STK3: variants seen among roughly 807,000 people sequenced by gnomAD.
STK3 encodes serine/threonine-protein kinase 3.
A neutral mutation model predicts 58.0 loss-of-function variants in STK3; 41 were observed. That is an observed-to-expected ratio of 0.71 (90% confidence interval 0.55 to 0.92). STK3 has a LOEUF of 0.92. Among genes scored for constraint, STK3 ranks in the 40% least tolerant of loss-of-function variants. The probability of loss-of-function intolerance (pLI) is 0.00; values close to 1 mark genes in which losing one functional copy is unlikely to be tolerated. For missense variants in STK3, 479 were observed against 602.7 expected (o/e 0.79, Z 2.15); for synonymous variants, 170 against 191.0 (o/e 0.89, Z 0.91).
At chr8:98,356,473 A>G in the STK3 span, among the ~76,000 whole-genome samples, 1 of 152,140 alleles carries the variant, frequency 6.6e-6, no homozygotes, top group Non-Finnish European at 1.5e-5. Flanking sequence ...GCTCTAAACT[A>G]CCAGGTAAGG....
intron 8 of STK3, among the ~76,000 whole-genome samples, chr8:98,564,939 G>A (rs780309040): frequency 6.6e-6 from 1 of 151,992 alleles, no homozygotes; most frequent in Non-Finnish European, 1.5e-5. Flanking sequence ...TGTATCATAC[G>A]AATATAAGAT....
chr8:98,541,979 C>A (rs1250322432), intron 9 of STK3, among the ~76,000 whole-genome samples: 1 of 152,174 alleles, frequency 6.6e-6, no homozygotes, highest in Non-Finnish European at 1.5e-5. Flanking sequence ...ATTCTAGTGT[C>A]AACCCTGTGT....
intron 10 of STK3, among the ~76,000 whole-genome samples, chr8:98,466,602 G>A (rs1484877803): frequency 6.6e-6 from 1 of 152,182 alleles, no homozygotes; most frequent in East Asian, 1.9e-4. Context: ...AGTGCTGGGA[G>A]CAGGAAGGAG....
intron 1 of STK3, among the ~76,000 whole-genome samples, chr8:98,929,390 G>A (rs1244264555): frequency 6.6e-6 from 1 of 152,222 alleles, no homozygotes; most frequent in African/African-American, 2.4e-5. Context: ...AGATGTGCTG[G>A]CCCATGCCTG....
intron 6 of STK3, among the ~76,000 whole-genome samples, chr8:98,698,552 A>C (rs1825213223): frequency 6.6e-6 from 1 of 152,190 alleles, no homozygotes; most frequent in Non-Finnish European, 1.5e-5. Flanking sequence ...CTTTTAGGGC[A>C]GGCCTGGTGG....
chr8:98,723,079 C>A, intron 4 of STK3: 1 of 263,992 alleles, frequency 3.8e-6, no homozygotes, highest in Admixed American at 4.9e-5. Context: ...CAATACATTA[C>A]AGATTTCATT....
chr8:98,761,784 A>G (rs188526152), intron 3 of STK3, among the ~76,000 whole-genome samples: 1 of 152,370 alleles, frequency 6.6e-6, no homozygotes, highest in African/African-American at 2.4e-5. Context: ...AAAGTTCATC[A>G]ATAATCCTCC....
chr8:98,589,543 G>T (rs1051235328), intron 7 of STK3, among the ~76,000 whole-genome samples: 1 of 152,244 alleles, frequency 6.6e-6, no homozygotes, highest in Non-Finnish European at 1.5e-5. Context: ...GGTTACTGCT[G>T]TCTTTTTGTT....
intron 1 of STK3, among the ~76,000 whole-genome samples, chr8:98,901,945 T>C (rs185531997): frequency 2.0e-5 from 3 of 152,326 alleles, no homozygotes; most frequent in Non-Finnish European, 4.4e-5. Context: ...ACATGTGCCC[T>C]CTACTTCCTT....
intron 1 of STK3, among the ~76,000 whole-genome samples, chr8:98,442,905 T>G (rs79625268): frequency 6.6e-6 from 1 of 151,918 alleles, no homozygotes; most frequent in East Asian, 1.9e-4. Context: ...CTGAGACTAT[T>G]AAGATATCCC....
At chr8:98,572,157 T>C (rs143996741) in intron 8 of STK3, among the ~76,000 whole-genome samples, 2,719 of 152,266 alleles carry the variant, frequency 0.018, 43 homozygotes, top group Non-Finnish European at 0.023. Context: ...AACTTACAAA[T>C]TAGTATTTTA....
At chr8:98,529,057 C>T (rs563688376) in intron 9 of STK3, among the ~76,000 whole-genome samples, 120 of 152,252 alleles carry the variant, frequency 7.9e-4, no homozygotes, top group Non-Finnish European at 1.5e-3. Context: ...ATCTGACCAA[C>T]CTAGATTGCA....
At chr8:98,737,769 G>A (rs903110974) in intron 4 of STK3, among the ~76,000 whole-genome samples, 4 of 151,876 alleles carry the variant, frequency 2.6e-5, no homozygotes, top group Admixed American at 6.6e-5. Context: ...CTGCAGTGGC[G>A]CAATCTCAGC....
At chr8:98,559,835 T>C (rs1811874822) in intron 8 of STK3, among the ~76,000 whole-genome samples, 1 of 152,134 alleles carries the variant, frequency 6.6e-6, no homozygotes, top group Non-Finnish European at 1.5e-5. Flanking sequence ...AAATAATTTG[T>C]TGTTTTTTCC....
intron 1 of STK3, among the ~76,000 whole-genome samples, chr8:98,896,683 A>G (rs1333499846): frequency 6.6e-6 from 1 of 152,246 alleles, no homozygotes; most frequent in Non-Finnish European, 1.5e-5. Context: ...TATTACTTGC[A>G]TCAGAAATGT....
rs548838328 is a variant in STK3, at chr8:98,800,142, T to C, written c.27-25323A>G. ...TGCCGCTACTCGCCTTTGGACCCTA[T>C]ATTTTTAACCTCCTTGTTTTGTTTC... On this transcript the variant is annotated intron_variant, in intron 1 of 10. Transcript: ENST00000419617. This position sits in a 1 kb window ranked among gnomAD's most constrained non-coding sequence, Gnocchi z 4.8. Among the ~76,000 whole-genome samples, 1 of 152,226 alleles carries C rather than the reference T, an allele frequency of 6.6e-6. No individual in the cohort carries two copies.
At chr8:98,897,327 G>A (rs1383907102) in intron 1 of STK3, among the ~76,000 whole-genome samples, 4 of 152,204 alleles carry the variant, frequency 2.6e-5, no homozygotes, top group East Asian at 1.9e-4. Context: ...GGAGGTGGAG[G>A]CGGGCGGATC....
At chr8:98,797,068 T>G (rs551380086) in intron 1 of STK3, among the ~76,000 whole-genome samples, 3 of 152,198 alleles carry the variant, frequency 2.0e-5, no homozygotes, top group Non-Finnish European at 4.4e-5. Flanking sequence ...TGACATCTTT[T>G]CCCTAGCTAT....
chr8:98,476,874 T>C (rs1435376687), intron 10 of STK3, among the ~76,000 whole-genome samples: 2 of 152,224 alleles, frequency 1.3e-5, no homozygotes, highest in Non-Finnish European at 2.9e-5. Context: ...CAAAGGAATT[T>C]AGAATATGTC....
Sources: gnomAD v4.1 joint callset for allele counts (sites outside exome capture counted in the v4.1 genomes callset) on GRCh38, gnomAD v4.1.1 for gene constraint, Gnocchi (gnomAD v3.1) non-coding constraint, MANE v1.5 for transcripts, NCBI Gene and HGNC (gene_info 2026-07-23, HGNC 2026-07-21) for gene names.